TMPRSS11D: variants seen among roughly 807,000 people sequenced by gnomAD.
The protein encoded by TMPRSS11D is transmembrane serine protease 11D, also known as transmembrane protease serine 11D.
A neutral mutation model predicts 44.4 loss-of-function variants in TMPRSS11D; 32 were observed. That is an observed-to-expected ratio of 0.72 (90% CI 0.54 to 0.97). The LOEUF (loss-of-function observed/expected upper bound fraction) is 0.97, where lower values mean the gene tolerates loss of function less well. Ranked by LOEUF, TMPRSS11D falls within the 50% of genes least tolerant of loss-of-function variation. The pLI is 0.00. For missense variants in TMPRSS11D, 446 were observed against 502.6 expected, an observed-to-expected ratio of 0.89 and a Z score of 1.08; for synonymous variants, 179 against 177.9, an observed-to-expected ratio of 1.01 and a Z score of -0.05.
At chr4:67,838,982 C>T (rs1357616158) in intron 4 of TMPRSS11D, 1 of 151,992 alleles carries the variant, frequency 6.6e-6, no homozygotes, top group Non-Finnish European at 1.5e-5. Flanking sequence ...TATCTAAAAC[C>T]TCAGTAATTT....
At chr4:67,829,420 GGGGAGACA>G (rs967840743) in intron 7 of TMPRSS11D, among the ~76,000 whole-genome samples, 3 of 148,940 alleles carry the variant, frequency 2.0e-5, no homozygotes, top group African/African-American at 7.4e-5. Flanking sequence ...ATATACATAG[GGGGAGACA>G]GAGAGAGAAC....
chr4:67,842,641 G>C lies in TMPRSS11D; in HGVS notation c.250-16C>G. ...TTTTAGTAATCTGTAGAAAGAAAGAGAGGGGGAATCTCTCTGTAAATACAG... is the reference window on the plus strand; with the variant it reads ...TTTTAGTAATCTGTAGAAAGAAAGACAGGGGGAATCTCTCTGTAAATACAG... On this transcript the variant is annotated splice_polypyrimidine_tract_variant and intron_variant, in intron 3 of 9. Transcript: ENST00000283916. The C allele has an allele frequency of 6.3e-7, 1 of 1,599,018 alleles. No homozygotes were observed. The highest frequency in any genetic ancestry group is 8.5e-7 in the Non-Finnish European group (1 of 1,170,128).
chr4:67,824,561 G>T (rs972287704), intron 9 of TMPRSS11D, among the ~76,000 whole-genome samples: 12 of 152,120 alleles, frequency 7.9e-5, no homozygotes, highest in Admixed American at 5.2e-4. Flanking sequence ...TAAAGGACTG[G>T]GTAATTAACA....
At chr4:67,857,604 A>G (rs1459420266) in intron 2 of TMPRSS11D, among the ~76,000 whole-genome samples, 2 of 152,052 alleles carry the variant, frequency 1.3e-5, no homozygotes, top group Non-Finnish European at 2.9e-5. Flanking sequence ...CTACTAAAAA[A>G]AGAGTAAAGA....
At chr4:67,843,326 T>C (rs1007657112) in intron 3 of TMPRSS11D, among the ~76,000 whole-genome samples, 4 of 151,930 alleles carry the variant, frequency 2.6e-5, no homozygotes, top group African/African-American at 9.7e-5. Context: ...TAGAAAAATA[T>C]AGTTAGATGA....
chr4:67,841,265 G>A (rs1718222436), intron 4 of TMPRSS11D, among the ~76,000 whole-genome samples: 1 of 152,118 alleles, frequency 6.6e-6, no homozygotes, highest in Non-Finnish European at 1.5e-5. Flanking sequence ...CTGAGAAGAT[G>A]AGAGGCCTAG....
chr4:67,849,160 A>G (rs983539573), intron 3 of TMPRSS11D, among the ~76,000 whole-genome samples: 24 of 152,150 alleles, frequency 1.6e-4, no homozygotes, highest in African/African-American at 5.8e-4. Context: ...TTAAGGATGA[A>G]TTCTAGGTTT....
At chr4:67,855,183 A>G (rs1198859466) in intron 2 of TMPRSS11D, among the ~76,000 whole-genome samples, 1 of 150,122 alleles carries the variant, frequency 6.7e-6, no homozygotes, top group Non-Finnish European at 1.5e-5. Flanking sequence ...TGAACCCGGG[A>G]GGCAGAGGTT....
intron 1 of TMPRSS11D, among the ~76,000 whole-genome samples, chr4:67,870,889 T>C (rs1044534545): frequency 6.6e-6 from 1 of 152,062 alleles, no homozygotes; most frequent in Non-Finnish European, 1.5e-5. Context: ...AGTACACTTA[T>C]AACTTTCTAA....
rs371889111 is a variant in TMPRSS11D, at chr4:67,861,262, T to C, written c.9-1584A>G. Reference sequence around the variant, plus strand: ...AACAACCACTACTGTAGTAATTTTCTAGTTGAAGAAAACTGTCACTTTGAC... The same window carrying C: ...AACAACCACTACTGTAGTAATTTTCCAGTTGAAGAAAACTGTCACTTTGAC... On this transcript the variant is annotated intron_variant, in intron 1 of 9. Coordinates refer to ENST00000283916, the MANE Select transcript of TMPRSS11D (RefSeq NM_004262.3). Among the ~76,000 whole-genome samples the C allele has an allele frequency of 2.6e-5, 4 of 152,170 alleles. No individual in the cohort carries two copies. In the East Asian group the frequency reaches 7.7e-4, roughly 29 times the overall value.
chr4:67,835,026 C>T (rs1718042250), intron 6 of TMPRSS11D, 57 bp downstream of exon 6: 1 of 1,482,516 alleles, frequency 6.7e-7, no homozygotes, highest in African/African-American at 1.4e-5. Context: ...AAAAGACTTG[C>T]ACTTTTACTC....
chr4:67,839,743 AC>A (rs1329322335), intron 4 of TMPRSS11D, among the ~76,000 whole-genome samples: 1 of 152,090 alleles, frequency 6.6e-6, no homozygotes, highest in African/African-American at 2.4e-5. Context: ...AAGAAGTATC[AC>A]CTGAAAATTC....
chr4:67,842,822 T>C (rs1254115153), intron 3 of TMPRSS11D, among the ~76,000 whole-genome samples, 197 bp from the exon 4 acceptor site: 1 of 152,256 alleles, frequency 6.6e-6, no homozygotes, highest in African/African-American at 2.4e-5. Context: ...CCTATTCCTT[T>C]ATCTGTTATA....
intron 3 of TMPRSS11D, among the ~76,000 whole-genome samples, chr4:67,850,832 T>C (rs527726458): frequency 7.6e-4 from 115 of 152,200 alleles, no homozygotes; most frequent in Non-Finnish European, 1.4e-3. Context: ...ATTTTTAGCA[T>C]TCAGCCTTAA....
chr4:67,857,105 T>C lies in TMPRSS11D; in HGVS notation c.130+2452A>G, dbSNP rs192185237. On this transcript the variant is annotated intron_variant, in intron 2 of 9. Coordinates refer to ENST00000283916, the MANE Select transcript of TMPRSS11D (RefSeq NM_004262.3). ...TCTCATAAAACTAAAATAGAACTAC[T>C]ATATGATCCAGCAATCCCACTACTG... Among the ~76,000 whole-genome samples the C allele has an allele frequency of 2.0e-5, 3 of 151,964 alleles. No homozygotes were observed. In the East Asian group the frequency reaches 5.8e-4, roughly 29 times the overall value.
At chr4:67,835,716 A>G (rs999366724) in intron 5 of TMPRSS11D, among the ~76,000 whole-genome samples, 4 of 152,182 alleles carry the variant, frequency 2.6e-5, no homozygotes, top group African/African-American at 9.6e-5. Context: ...GCTAGAAGAA[A>G]TAGCATCTGC....
At chr4:67,864,006 T>C (rs1718857026) in intron 1 of TMPRSS11D, among the ~76,000 whole-genome samples, 2 of 152,102 alleles carry the variant, frequency 1.3e-5, no homozygotes, top group South Asian at 4.1e-4. Flanking sequence ...TTGTGAGAAT[T>C]AGAGCAGATG....
At chr4:67,870,663 A>C (rs1719035105) in intron 1 of TMPRSS11D, among the ~76,000 whole-genome samples, 1 of 151,866 alleles carries the variant, frequency 6.6e-6, no homozygotes, top group Non-Finnish European at 1.5e-5. Context: ...AAATACAAAA[A>C]ATTAGCCGGG....
intron 3 of TMPRSS11D, among the ~76,000 whole-genome samples, chr4:67,851,522 C>A (rs376497001): frequency 6.6e-6 from 1 of 152,152 alleles, no homozygotes; most frequent in Non-Finnish European, 1.5e-5. Context: ...CCTAGCCTCA[C>A]CCGGACTATA....
Sources: gnomAD v4.1 joint callset for allele counts (sites outside exome capture counted in the v4.1 genomes callset) on GRCh38, gnomAD v4.1.1 for gene constraint, MANE v1.5 for transcripts, NCBI Gene and HGNC (gene_info 2026-07-23, HGNC 2026-07-21) for gene names.